CLEC12A: variants seen among roughly 807,000 people sequenced by gnomAD.
The protein encoded by CLEC12A is C-type lectin protein CLL-1.
In CLEC12A, 22 loss-of-function variants were observed where a neutral mutation model predicts 26.5. The ratio of observed to expected loss-of-function variants is 0.83; its 90% CI spans 0.59 to 1.19. CLEC12A has a LOEUF of 1.19. Among genes scored for constraint, CLEC12A ranks in the 50% most tolerant of loss-of-function variants. The pLI is 0.00. For missense variants in CLEC12A, 353 were observed against 315.6 expected (o/e 1.12, Z -0.90); for synonymous variants, 119 against 101.9 (o/e 1.17, Z -1.01).
At chr12:9,953,491 C>G (rs1181050542) in intron 1 of CLEC12A, among the ~76,000 whole-genome samples, 1 of 148,312 alleles carries the variant, frequency 6.7e-6, no homozygotes. Context: ...CCAGCCGCCC[C>G]GTCCGGGAGG....
At chr12:9,998,902 A>G, downstream of CLEC12A, 1 of 562,370 alleles carries the variant, frequency 1.8e-6, no homozygotes, top group South Asian at 2.9e-5. Flanking sequence ...AACACTACTC[A>G]AATGCTTTAG....
chr12:9,959,649 G>A (rs886659624), intron 1 of CLEC12A, among the ~76,000 whole-genome samples: 27 of 152,142 alleles, frequency 1.8e-4, no homozygotes, highest in East Asian at 1.4e-3. Context: ...GGATGGACTC[G>A]GGGCAGGTAG....
chr12:9,974,152 A>C (rs1291253779), intron 1 of CLEC12A, among the ~76,000 whole-genome samples: 3 of 152,108 alleles, frequency 2.0e-5, no homozygotes, highest in Non-Finnish European at 2.9e-5. Flanking sequence ...TGTCTCTTCC[A>C]TTACTTCACT....
upstream of CLEC12A, among the ~76,000 whole-genome samples, chr12:9,968,740 T>A (rs1043517458): frequency 6.6e-6 from 1 of 152,220 alleles, no homozygotes; most frequent in Non-Finnish European, 1.5e-5. Context: ...AATGTATCAC[T>A]TATGTTTAAT....
downstream of CLEC12A, among the ~76,000 whole-genome samples, chr12:9,996,058 G>C (rs1016158938): frequency 2.6e-5 from 4 of 152,120 alleles, no homozygotes; most frequent in Middle Eastern, 3.2e-3. Context: ...AATAACAAGT[G>C]ATAATGCATT....
Position 9,983,639 on chromosome 12 carries a change from TCAACTGTGTTGAGGTGC to T in CLEC12A, c.642-1228_642-1212del, listed in dbSNP as rs375828599. The T allele has an allele frequency of 5.0e-4, 313 of 625,940 alleles. 1 individual carries two copies. The African/African-American group carries it at 5.2e-3, about 10-fold the overall frequency. 38.8% of individuals were successfully genotyped at this position (625,940 alleles called of 1,614,324 possible). ...ACTTTTAGCAGGAGACAGCTCTGAG[TCAACTGTGTTGAGGTGC>T]CACCACAGCGAGTTTAGGCACTCAG... is the stretch of plus-strand genomic sequence containing the variant. On this transcript the variant is annotated intron_variant, in intron 5 of 5. Coordinates refer to ENST00000304361, the MANE Select transcript of CLEC12A (RefSeq NM_138337.6).
downstream of CLEC12A, chr12:9,986,172 A>C (rs1419554530): frequency 2.2e-5 from 10 of 455,090 alleles, no homozygotes; most frequent in Non-Finnish European, 4.4e-5. Context: ...GAAGTAAAAC[A>C]AGAAGAGATA....
At chr12:9,961,259 C>T (rs999091346) in intron 1 of CLEC12A, among the ~76,000 whole-genome samples, 3 of 152,156 alleles carry the variant, frequency 2.0e-5, no homozygotes, top group Non-Finnish European at 4.4e-5. Context: ...TATAATGAAG[C>T]GTGTTCGACA....
intron 1 of CLEC12A, among the ~76,000 whole-genome samples, chr12:9,956,963 T>A (rs1863750857): frequency 6.7e-6 from 1 of 148,642 alleles, no homozygotes; most frequent in Non-Finnish European, 1.5e-5. Context: ...ACTGGATGCA[T>A]AAGGAAATAA....
At chr12:9,974,628 C>G (rs1285480419) in intron 1 of CLEC12A, among the ~76,000 whole-genome samples, 1 of 152,134 alleles carries the variant, frequency 6.6e-6, no homozygotes, top group South Asian at 2.1e-4. Flanking sequence ...CAAGTGTTTT[C>G]TCTGTGCCAG....
At chr12:9,969,683 G>A, upstream of CLEC12A, among the ~76,000 whole-genome samples, 1 of 152,192 alleles carries the variant, frequency 6.6e-6, no homozygotes, top group East Asian at 1.9e-4. Flanking sequence ...ACAGGACTCT[G>A]CCTGTGTGGT....
chr12:9,982,919 T>G (rs1864620220), intron 5 of CLEC12A, among the ~76,000 whole-genome samples: 1 of 152,150 alleles, frequency 6.6e-6, no homozygotes, highest in South Asian at 2.1e-4. Context: ...GTTATTTCAT[T>G]TAAGAGAATG....
chr12:9,993,332 A>G (rs776605320), intron 4 of CLEC12A: 6 of 1,562,820 alleles, frequency 3.8e-6, no homozygotes, highest in Non-Finnish European at 5.3e-6. Flanking sequence ...AACTGAGCAA[A>G]CAATCAGTAA....
chr12:9,980,773 G>T (rs759747432), intron 4 of CLEC12A, 40 bp downstream of exon 4: 1 of 1,598,648 alleles, frequency 6.3e-7, no homozygotes, highest in Non-Finnish European at 8.5e-7. Flanking sequence ...GATAGAGAGG[G>T]GTGTGGCATG....
At chr12:9,975,716 A>G (rs942135868) in intron 1 of CLEC12A, among the ~76,000 whole-genome samples, 3 of 152,202 alleles carry the variant, frequency 2.0e-5, no homozygotes, top group African/African-American at 7.2e-5. Flanking sequence ...GCCAAATGAT[A>G]ATCGCCAAGG....
chr12:10,002,116 C>T, the CLEC12A span, among the ~76,000 whole-genome samples: 471 of 152,096 alleles, frequency 3.1e-3, no homozygotes, highest in African/African-American at 0.011. Flanking sequence ...CTCCTGACCT[C>T]GTGATCCACC....
downstream of CLEC12A, chr12:9,998,226 A>G: frequency 1.5e-6 from 2 of 1,327,668 alleles, no homozygotes; most frequent in Non-Finnish European, 1.1e-6. Context: ...GGGATATGCC[A>G]TGACCCTTCA....
intron 1 of CLEC12A, chr12:9,953,406 T>TG (rs567437214): frequency 4.0e-5 from 1 of 25,134 alleles, no homozygotes; most frequent in African/African-American, 1.3e-4. Context: ...GGGAGGGAGG[T>TG]GGGGGGGTCA....
At chr12:9,980,413 G>T (rs534672644) in intron 3 of CLEC12A, among the ~76,000 whole-genome samples, 169 bp from the exon 4 acceptor site, 1 of 150,298 alleles carries the variant, frequency 6.7e-6, no homozygotes, top group Non-Finnish European at 1.5e-5. Flanking sequence ...TCTCCAGTTT[G>T]GGCAATAGAG....
Sources: gnomAD v4.1 joint callset for allele counts (sites outside exome capture counted in the v4.1 genomes callset) on GRCh38, gnomAD v4.1.1 for gene constraint, MANE v1.5 for transcripts, NCBI Gene and HGNC (gene_info 2026-07-23, HGNC 2026-07-21) for gene names.